The following RAB6A variants were observed in gnomAD, a reference collection of about 807,000 sequenced individuals.
RAB6A encodes the protein RAB6A, member RAS oncogene family, also known as ras-related protein Rab-6A.
A neutral mutation model predicts 32.3 loss-of-function variants in RAB6A; 8 were observed. That is an observed-to-expected ratio of 0.25 (90% confidence interval 0.15 to 0.45). The LOEUF is 0.45. RAB6A is among the 20% of genes least tolerant of loss of function. RAB6A has a pLI of 1.00. For missense variants in RAB6A, 104 were observed against 249.4 expected, an observed-to-expected ratio of 0.42 and a Z score of 3.93; for synonymous variants, 73 against 82.1, an observed-to-expected ratio of 0.89 and a Z score of 0.60.
intron 1 of RAB6A, chr11:73,760,232 G>A (rs1565385386): frequency 1.8e-5 from 14 of 770,162 alleles, no homozygotes; most frequent in Non-Finnish European, 2.0e-6. Flanking sequence ...AAAGGGGGCC[G>A]GGGTACGGGC....
chr11:73,712,728 C>CTTTT (rs57665830), intron 5 of RAB6A, among the ~76,000 whole-genome samples: 22 of 142,762 alleles, frequency 1.5e-4, no homozygotes, highest in African/African-American at 4.6e-4. Context: ...ATTATAGAGG[C>CTTTT]TTTTTTTTTT....
intron 1 of RAB6A, among the ~76,000 whole-genome samples, chr11:73,740,913 A>G (rs1946485733): frequency 6.6e-6 from 1 of 151,830 alleles, no homozygotes; most frequent in African/African-American, 2.4e-5. Flanking sequence ...AAAAAACTAC[A>G]CTACACCTGT....
chr11:73,739,593 C>T (rs907014259), intron 1 of RAB6A, among the ~76,000 whole-genome samples: 2 of 151,642 alleles, frequency 1.3e-5, no homozygotes, highest in African/African-American at 2.4e-5. Flanking sequence ...CCTGCCACCT[C>T]TAAGGTTGAT....
intron 4 of RAB6A, among the ~76,000 whole-genome samples, chr11:73,717,739 C>G (rs1472916978): frequency 1.3e-5 from 2 of 152,198 alleles, no homozygotes; most frequent in African/African-American, 4.8e-5. Context: ...CCACTGTGCC[C>G]GGCCTAAACC....
chr11:73,695,371 GTTTT>G (rs1291160775), intron 6 of RAB6A, among the ~76,000 whole-genome samples: 126 of 91,842 alleles, frequency 1.4e-3, no homozygotes, highest in Non-Finnish European at 1.8e-3. Flanking sequence ...TAAGTATCCA[GTTTT>G]TTTGTTTTTT....
intron 6 of RAB6A, among the ~76,000 whole-genome samples, chr11:73,701,568 G>A (rs1171414068): frequency 6.6e-6 from 1 of 152,214 alleles, no homozygotes; most frequent in Non-Finnish European, 1.5e-5. Context: ...TTTGGTAATA[G>A]CAGAGCAGCT....
At chr11:73,679,867 G>A in intron 6 of RAB6A, 147 bp from the exon 7 acceptor site, 1 of 981,926 alleles carries the variant, frequency 1.0e-6, no homozygotes, top group South Asian at 1.4e-5. Flanking sequence ...ACCCGAGGTG[G>A]GCAGATCACT....
chr11:73,722,323 ATATATATATATATATATATAT>A (rs1310107074), intron 2 of RAB6A: 27 of 7,860 alleles, frequency 3.4e-3, no homozygotes, highest in African/African-American at 8.3e-3. Flanking sequence ...ATATATATAT[ATATATATATATATATATATAT>A]TTTTTTTTTT....
chr11:73,749,595 G>A (rs191884827), intron 1 of RAB6A, among the ~76,000 whole-genome samples: 1 of 152,244 alleles, frequency 6.6e-6, no homozygotes, highest in Admixed American at 6.5e-5. Context: ...TGTAATCTCA[G>A]CCTTTTGGGA....
intron 1 of RAB6A, among the ~76,000 whole-genome samples, chr11:73,755,016 G>A (rs570689273): frequency 2.0e-5 from 3 of 151,644 alleles, no homozygotes; most frequent in South Asian, 2.1e-4. Flanking sequence ...TCCACCTCCC[G>A]GGTTCAAGGG....
chr11:73,736,826 A>AAG (rs34534229), intron 1 of RAB6A, among the ~76,000 whole-genome samples: 1 of 143,664 alleles, frequency 7.0e-6, no homozygotes, highest in Non-Finnish European at 1.5e-5. Context: ...AAAAAAAAAA[A>AAG]CAATTAGCCA....
At chr11:73,734,316 G>A (rs568780808) in intron 1 of RAB6A, among the ~76,000 whole-genome samples, 3 of 152,226 alleles carry the variant, frequency 2.0e-5, no homozygotes, top group African/African-American at 7.2e-5. Context: ...AGTAGAGACA[G>A]AGTTTCACCA....
rs1467573607 is a variant in RAB6A at position 73,710,071 on chromosome 11, G to A, written c.402-2558C>T. On this transcript the variant is annotated intron_variant, in intron 5 of 7. Coordinates refer to ENST00000336083, the MANE Select transcript of RAB6A (RefSeq NM_198896.2). ...CCTCCCAGGTTCACGCCATTCTCCC[G>A]CCTCAACCTCCGGAGTAGCTGGGAT... is the stretch of plus-strand genomic sequence containing the variant. 2.7e-5 allele frequency among the ~76,000 whole-genome samples: 4 copies of A among 147,668 alleles called. No individual in the cohort carries two copies. The East Asian group carries it at 8.0e-4, about 30-fold the overall frequency.
chr11:73,741,237 C>T (rs925553522), intron 1 of RAB6A, among the ~76,000 whole-genome samples: 1 of 151,788 alleles, frequency 6.6e-6, no homozygotes, highest in Non-Finnish European at 1.5e-5. Flanking sequence ...CCCGGGTTCA[C>T]GCCATTCTCC....
intron 6 of RAB6A, among the ~76,000 whole-genome samples, chr11:73,699,183 T>C (rs917603368): frequency 6.6e-6 from 1 of 152,076 alleles, no homozygotes; most frequent in Non-Finnish European, 1.5e-5. Context: ...AAAGCATTCC[T>C]CAACCATTCT....
At chr11:73,713,663 A>T (rs2134935790) in intron 5 of RAB6A, among the ~76,000 whole-genome samples, 1 of 152,332 alleles carries the variant, frequency 6.6e-6, no homozygotes, top group South Asian at 2.1e-4. Context: ...CAAACTTATC[A>T]ATCATTCCCT....
chr11:73,758,643 T>C (rs1227060444), intron 1 of RAB6A, among the ~76,000 whole-genome samples: 1 of 149,470 alleles, frequency 6.7e-6, no homozygotes, highest in Admixed American at 6.7e-5. Flanking sequence ...AACCTGAAGA[T>C]ACTTAGGAAG....
intron 2 of RAB6A, among the ~76,000 whole-genome samples, chr11:73,721,750 T>C (rs1287594713): frequency 1.3e-5 from 2 of 152,136 alleles, no homozygotes; most frequent in Non-Finnish European, 2.9e-5. Context: ...TGCGTGTACA[T>C]ACATACTTTT....
intron 6 of RAB6A, among the ~76,000 whole-genome samples, chr11:73,682,635 C>T (rs762340503): frequency 7.2e-5 from 11 of 152,066 alleles, no homozygotes; most frequent in Non-Finnish European, 1.3e-4. Flanking sequence ...TGCACTCCAC[C>T]CTGGGCAACA....
Sources: gnomAD v4.1 joint callset for allele counts (sites outside exome capture counted in the v4.1 genomes callset) on GRCh38, gnomAD v4.1.1 for gene constraint, MANE v1.5 for transcripts, NCBI Gene and HGNC (gene_info 2026-07-23, HGNC 2026-07-21) for gene names.